Variants in PDSS2 observed in about 807,000 individuals in gnomAD.
PDSS2 encodes all trans-polyprenyl-diphosphate synthase PDSS2.
PDSS2 carries 31 observed loss-of-function variants against 44.5 expected under a neutral mutation model. That is an observed-to-expected ratio of 0.70 (90% CI 0.52 to 0.94). The LOEUF is 0.94. PDSS2 is among the 40% of genes least tolerant of loss of function. The probability of loss-of-function intolerance (pLI) is 0.00; values close to 1 mark genes in which losing one functional copy is unlikely to be tolerated. For missense variants in PDSS2, 452 were observed against 482.2 expected, an observed-to-expected ratio of 0.94 and a Z score of 0.59; for synonymous variants, 157 against 180.3, an observed-to-expected ratio of 0.87 and a Z score of 1.03.
intron 2 of PDSS2, among the ~76,000 whole-genome samples, chr6:107,297,048 T>C (rs1389845908): frequency 2.0e-5 from 3 of 152,112 alleles, no homozygotes; most frequent in African/African-American, 7.2e-5. Flanking sequence ...ACAATTACAA[T>C]GGTCTAGATC....
chr6:107,380,358 G>T (rs1328225512), intron 1 of PDSS2, among the ~76,000 whole-genome samples: 1 of 152,204 alleles, frequency 6.6e-6, no homozygotes, highest in African/African-American at 2.4e-5. Flanking sequence ...CTGACCTTCA[G>T]AAGAGTTTCT....
rs767274 is a variant in PDSS2 at position 107,415,151 on chromosome 6, A to T, written c.296+43839T>A. ...CAGAGCACATCATAGGTTAAAAAAA[A>T]TTTTTTTTTTTATTTTAGTTCCTTC... On this transcript the variant is annotated intron_variant, in intron 1 of 7. Transcript: ENST00000369037. Among the ~76,000 whole-genome samples the T allele has an allele frequency of 0.01, 1,507 of 149,848 alleles. 52 individuals are homozygous for T. The East Asian group carries it at 0.12, about 12-fold the overall frequency.
intron 3 of PDSS2, among the ~76,000 whole-genome samples, chr6:107,267,142 G>A (rs1384458921): frequency 2.0e-5 from 3 of 152,120 alleles, no homozygotes; most frequent in African/African-American, 7.2e-5. Context: ...TTTGTCCAAA[G>A]GCAACGAGTC....
chr6:107,406,427 C>T (rs1780322495), intron 1 of PDSS2, among the ~76,000 whole-genome samples: 1 of 152,000 alleles, frequency 6.6e-6, no homozygotes. Context: ...GTAGGGAAAC[C>T]TTTTTATAGT....
intron 2 of PDSS2, among the ~76,000 whole-genome samples, chr6:107,278,199 C>T (rs1775852752): frequency 6.6e-6 from 1 of 151,896 alleles, no homozygotes; most frequent in South Asian, 2.1e-4. Context: ...ACATATTGTA[C>T]TTGATTACAA....
chr6:107,421,273 C>T (rs1055716172), intron 1 of PDSS2, among the ~76,000 whole-genome samples: 1 of 152,148 alleles, frequency 6.6e-6, no homozygotes, highest in African/African-American at 2.4e-5. Context: ...CTCTGGAAAA[C>T]AATTTGGCAA....
chr6:107,356,435 G>A (rs1447323341), intron 1 of PDSS2, among the ~76,000 whole-genome samples: 2 of 152,166 alleles, frequency 1.3e-5, no homozygotes, highest in Non-Finnish European at 1.5e-5. Flanking sequence ...TCAGGTGTTT[G>A]GAGAAGGAGA....
chr6:107,192,340 C>T (rs1772409222), intron 7 of PDSS2: 3 of 512,640 alleles, frequency 5.9e-6, no homozygotes, highest in African/African-American at 2.0e-5. Context: ...GACTTGACAG[C>T]CTCTGAGACC....
intron 2 of PDSS2, among the ~76,000 whole-genome samples, chr6:107,301,581 A>G (rs1219828949): frequency 1.3e-5 from 2 of 152,188 alleles, no homozygotes; most frequent in African/African-American, 2.4e-5. Context: ...CAGTAAAAGT[A>G]TGTTGACATT....
At chr6:107,173,366 G>A (rs1771660929) in intron 7 of PDSS2, among the ~76,000 whole-genome samples, 3 of 151,552 alleles carry the variant, frequency 2.0e-5, no homozygotes, top group East Asian at 3.9e-4. Context: ...CTGAGGTCAC[G>A]AGATTGAGAC....
chr6:107,279,987 T>A (rs1408870009), intron 2 of PDSS2, among the ~76,000 whole-genome samples: 2 of 152,212 alleles, frequency 1.3e-5, no homozygotes, highest in African/African-American at 4.8e-5. Flanking sequence ...ACTGGATTTT[T>A]AAAAAATTAT....
At chr6:107,317,311 A>C (rs780642885) in intron 2 of PDSS2, among the ~76,000 whole-genome samples, 7 of 152,186 alleles carry the variant, frequency 4.6e-5, no homozygotes, top group Non-Finnish European at 1.0e-4. Context: ...ACAGAAAAAA[A>C]GCACAACCAG....
chr6:107,367,024 A>G (rs1778978718), intron 1 of PDSS2, among the ~76,000 whole-genome samples: 1 of 152,248 alleles, frequency 6.6e-6, no homozygotes, highest in East Asian at 1.9e-4. Flanking sequence ...CAAAGACATC[A>G]TAAGAAATGA....
chr6:107,337,887 T>C (rs1246601646), intron 1 of PDSS2, among the ~76,000 whole-genome samples: 1 of 152,128 alleles, frequency 6.6e-6, no homozygotes, highest in Non-Finnish European at 1.5e-5. Context: ...AATGCATTAC[T>C]GAAAAGGTCA....
At chr6:107,175,848 AAGAC>A (rs1771766857) in intron 7 of PDSS2, among the ~76,000 whole-genome samples, 2 of 152,188 alleles carry the variant, frequency 1.3e-5, no homozygotes, top group Admixed American at 1.3e-4. Flanking sequence ...GGCACTGAGC[AAGAC>A]AGGTATTATC....
intron 1 of PDSS2, among the ~76,000 whole-genome samples, chr6:107,402,437 T>C (rs117403879): frequency 0.014 from 1,742 of 125,922 alleles, 55 homozygotes; most frequent in Admixed American, 0.044. Flanking sequence ...AATATATATA[T>C]ACACACACAC....
At chr6:107,275,089 A>AT (rs1400190912) in intron 2 of PDSS2, among the ~76,000 whole-genome samples, 1 of 152,196 alleles carries the variant, frequency 6.6e-6, no homozygotes, top group Non-Finnish European at 1.5e-5. Flanking sequence ...AGAGAAACCT[A>AT]TAGTAGCAAA....
At chr6:107,385,308 G>A (rs72939897) in intron 1 of PDSS2, among the ~76,000 whole-genome samples, 10,411 of 151,584 alleles carry the variant, frequency 0.069, 425 homozygotes, top group Non-Finnish European at 0.091. Context: ...AATCCAGCCT[G>A]TGAAACATAG....
chr6:107,262,163 T>C (rs1475548296), intron 3 of PDSS2, among the ~76,000 whole-genome samples: 3 of 151,554 alleles, frequency 2.0e-5, no homozygotes. Flanking sequence ...CCGCGCGGCC[T>C]CCCAAAGTGC....
Sources: allele counts gnomAD v4.1 joint callset (sites outside exome capture counted in the v4.1 genomes callset), GRCh38; gene constraint gnomAD v4.1.1; transcripts MANE v1.5; gene names NCBI Gene and HGNC (gene_info 2026-07-23, HGNC 2026-07-21).